Variants in OR5H1 observed in about 807,000 individuals in gnomAD.
OR5H1 encodes the protein olfactory receptor 5H1.
For synonymous variants in OR5H1, 124 were observed against 134.4 expected (o/e 0.92, Z 0.54); for missense variants, 378 against 366.8 (o/e 1.03, Z -0.25).
rs182761632 is a variant in OR5H1, at chr3:98,134,007, A to T, written c.*368A>T. 5.4e-6 allele frequency: 1 copy of T among 186,196 alleles called. No individual in the cohort carries two copies. The highest frequency in any genetic ancestry group is 5.5e-5 in the Admixed American group (1 of 18,140). The allele number at this position is 186,196 out of a possible 1,614,324, so 11.5% of individuals were successfully genotyped here. On this transcript the variant is annotated 3_prime_UTR_variant, in exon 2 of 2. Transcript: ENST00000641874. Reference sequence around the variant, plus strand: ...CTGAATTACCTGCGATATCCATCATATACCATAACTGAGGCAGATTTGTTT... The same window carrying T: ...CTGAATTACCTGCGATATCCATCATTTACCATAACTGAGGCAGATTTGTTT...
rs1708322391 is a variant in OR5H1, at chr3:98,136,725, TGAGG to T, written c.*3088_*3091del. On this transcript the variant is annotated 3_prime_UTR_variant, in exon 2 of 2. Coordinates refer to ENST00000641874, the MANE Select transcript of OR5H1 (RefSeq NM_001005338.2). ...CATGTTCTTACTGTCTTAGTTCCCATGAGGGCTGGTTGATAAAAGAGCCCAGCAC... is the reference window on the plus strand; with the variant it reads ...CATGTTCTTACTGTCTTAGTTCCCATGCTGGTTGATAAAAGAGCCCAGCAC... 6.6e-6 allele frequency: 1 copy of T among 152,182 alleles called. No individual in the cohort carries two copies. The highest frequency in any genetic ancestry group is 6.6e-5 in the Admixed American group (1 of 15,264). The allele number at this position is 152,182 out of a possible 1,614,324, so 9.4% of individuals were successfully genotyped here.
rs761374771 is a variant in OR5H1, at chr3:98,135,862, G to A, written c.*2223G>A. The A allele has an allele frequency of 6.6e-6, 1 of 152,216 alleles. No individual in the cohort carries two copies. The highest frequency in any genetic ancestry group is 1.5e-5 in the Non-Finnish European group (1 of 68,032). 9.4% of individuals were successfully genotyped at this position (152,216 alleles called of 1,614,324 possible). ...TAGTTGAGAAGACTTTTAGATTTAA[G>A]CTCAAAGCATCTTTAGATGATGAAA... On this transcript the variant is annotated 3_prime_UTR_variant, in exon 2 of 2. Coordinates refer to ENST00000641874, the MANE Select transcript of OR5H1 (RefSeq NM_001005338.2).
At position 98,130,768 on chromosome 3, in the gene OR5H1, G is replaced by T. The variant is rs1490296253; in HGVS notation, c.-101G>T. The T allele has an allele frequency of 6.6e-6, 1 of 152,138 alleles. No homozygotes were observed. Among genetic ancestry groups the T allele is most frequent in the Non-Finnish European group, 1.5e-5 (1 of 68,010 alleles). The allele number at this position is 152,138 out of a possible 1,614,324, so 9.4% of individuals were successfully genotyped here. On this transcript the variant is annotated 5_prime_UTR_variant, in exon 1 of 2. The change abolishes the stop of an existing upstream ORF in the 5' untranslated region. Transcript: ENST00000641874. ...GCCATGAATGGCTACCTGTATTATT[G>T]ACATTGCTGTGCTACTGTATGTATT... is the stretch of plus-strand genomic sequence containing the variant.
chr3:98,131,558 C>T (rs1708255240), intron 1 of OR5H1, among the ~76,000 whole-genome samples: 1 of 151,880 alleles, frequency 6.6e-6, no homozygotes, highest in Admixed American at 6.6e-5. Context: ...GAGATCACAC[C>T]TTGGCCATTT....
chr3:98,135,721 ATGCT>A lies in OR5H1; in HGVS notation c.*2083_*2086del, dbSNP rs1708310279. The A allele has an allele frequency of 6.6e-6, 1 of 152,358 alleles. No homozygotes were observed. Among genetic ancestry groups the A allele is most frequent in the African/African-American group, 2.4e-5 (1 of 41,588 alleles). The allele number at this position is 152,358 out of a possible 1,614,324, so 9.4% of individuals were successfully genotyped here. A position where few individuals can be genotyped will look rare whatever the true frequency, so the allele number is the denominator to read the frequency against. ...AAACATAGTACCAAGGGACTGGGGT[ATGCT>A]CCATAGCCAAAGTACGTATGAACAA... is the stretch of plus-strand genomic sequence containing the variant. On this transcript the variant is annotated 3_prime_UTR_variant, in exon 2 of 2. Transcript: ENST00000641874.
intron 1 of OR5H1, 133 bp downstream of exon 1, chr3:98,130,983 T>A (rs1342331455): frequency 6.6e-6 from 1 of 152,102 alleles, no homozygotes; most frequent in Non-Finnish European, 1.5e-5. Context: ...TGACTCTGAC[T>A]GGACTATTTT....
chr3:98,136,956 A>G lies in OR5H1; in HGVS notation c.*3317A>G, dbSNP rs975255043. The G allele has an allele frequency of 2.6e-5, 4 of 152,194 alleles. No homozygotes were observed. The highest frequency in any genetic ancestry group is 7.2e-5 in the African/African-American group (3 of 41,448). 9.4% of individuals were successfully genotyped at this position (152,194 alleles called of 1,614,324 possible). On this transcript the variant is annotated 3_prime_UTR_variant, in exon 2 of 2. Transcript: ENST00000641874. ...ATTACCCAGCCTCAAGAATTTCTTTATTGCAACACTAAATGGAATGAGGCA... is the reference window on the plus strand; with the variant it reads ...ATTACCCAGCCTCAAGAATTTCTTTGTTGCAACACTAAATGGAATGAGGCA...
In OR5H1 at chr3:98,137,110, A is replaced by G. The variant is rs1302204077; in HGVS notation, c.*3471A>G. On this transcript the variant is annotated 3_prime_UTR_variant, in exon 2 of 2. Coordinates refer to ENST00000641874, the MANE Select transcript of OR5H1 (RefSeq NM_001005338.2). Reference sequence around the variant, plus strand: ...GGTAATATAACCATAATTATGTTATATTGTAATAACAGATTCTGATTAAAA... The same window carrying G: ...GGTAATATAACCATAATTATGTTATGTTGTAATAACAGATTCTGATTAAAA... 6.6e-6 allele frequency: 1 copy of G among 152,200 alleles called. No individual in the cohort carries two copies. Among genetic ancestry groups the G allele is most frequent in the Non-Finnish European group, 1.5e-5 (1 of 68,042 alleles). The allele number at this position is 152,200 out of a possible 1,614,324, so 9.4% of individuals were successfully genotyped here. A position where few individuals can be genotyped will look rare whatever the true frequency, so the allele number is the denominator to read the frequency against.
chr3:98,133,362 T>C lies in OR5H1; in HGVS notation c.665T>C (p.Leu222Pro). The change falls in exon 2 of 2, where the codon CTC becomes CCC. Residue 222 changes from leucine (L) to proline (P), a missense_variant. Coordinates refer to ENST00000641874, the MANE Select transcript of OR5H1 (RefSeq NM_001005338.2). The stretch of plus-strand genomic sequence containing the variant: ...ATTCTTGTATCTTATACATTTGTTC[T>C]CTTCGCAATCTTAAAAAAGAAATCT... ...VTILVSYTFVLFAILKKKSDK... is the reference protein window; with the variant it reads ...VTILVSYTFVPFAILKKKSDK... 1 of 1,613,166 alleles carries C rather than the reference T, an allele frequency of 6.2e-7. No individual in the cohort carries two copies. The highest frequency in any genetic ancestry group is 1.1e-5 in the South Asian group (1 of 91,072).
chr3:98,133,338 T>C lies in OR5H1; in HGVS notation c.641T>C (p.Ile214Thr), dbSNP rs1485019768. 6.2e-7 allele frequency: 1 copy of C among 1,613,442 alleles called. No homozygotes were observed. The highest frequency in any genetic ancestry group is 8.5e-7 in the Non-Finnish European group (1 of 1,179,698). Residue 214 changes from isoleucine (I) to threonine (T), a missense_variant, in exon 2 of 2, where the codon ATT becomes ACT. Ile to Thr is a moderately conservative substitution (Grantham distance 89). Transcript: ENST00000641874. ...GSIQVFSIVT[I>T]LVSYTFVLFA... The stretch of plus-strand genomic sequence containing the variant: ...ATTCAGGTATTCAGCATTGTGACTA[T>C]TCTTGTATCTTATACATTTGTTCTC...
At position 98,133,653 on chromosome 3, in the gene OR5H1, A is replaced by G; in HGVS notation, c.*14A>G. ...GTTTCATACTAATATCCTTTCTCTAATTACAAAAATAGTCACAAAATTATG... is the reference window on the plus strand; with the variant it reads ...GTTTCATACTAATATCCTTTCTCTAGTTACAAAAATAGTCACAAAATTATG... On this transcript the variant is annotated 3_prime_UTR_variant, in exon 2 of 2. Coordinates refer to ENST00000641874, the MANE Select transcript of OR5H1 (RefSeq NM_001005338.2). 1 of 1,569,680 alleles carries G rather than the reference A, an allele frequency of 6.4e-7. No homozygotes were observed. Among genetic ancestry groups the G allele is most frequent in the African/African-American group, 1.4e-5 (1 of 73,228 alleles).
At chr3:98,131,670 T>C (rs188934742) in intron 1 of OR5H1, among the ~76,000 whole-genome samples, 91 of 152,166 alleles carry the variant, frequency 6.0e-4, no homozygotes, top group African/African-American at 2.0e-3. Flanking sequence ...GGATGCATCA[T>C]CTTTAACTAT....
Position 98,133,369 on chromosome 3 carries a change from A to T in OR5H1, c.672A>T (p.Ala224=), listed in dbSNP as rs753005130. Residue 224 remains alanine, a synonymous_variant, in exon 2 of 2, where the codon GCA becomes GCT. Coordinates refer to ENST00000641874, the MANE Select transcript of OR5H1 (RefSeq NM_001005338.2). The stretch of plus-strand genomic sequence containing the variant: ...TATCTTATACATTTGTTCTCTTCGC[A>T]ATCTTAAAAAAGAAATCTGATAAAG... ...ILVSYTFVLF[A]ILKKKSDKGV... The T allele has an allele frequency of 6.2e-7, 1 of 1,613,046 alleles. No homozygotes were observed. The highest frequency in any genetic ancestry group is 1.1e-5 in the South Asian group (1 of 91,062).
rs148534730 is a variant in OR5H1 at position 98,133,000 on chromosome 3, T to G, written c.303T>G (p.Phe101Leu). Residue 101 changes from phenylalanine to leucine, a missense_variant, in exon 2 of 2, where the codon TTT (phenylalanine) becomes TTG (leucine). Phe to Leu is a conservative substitution (Grantham distance 22). Transcript: ENST00000641874. ...CTCTCTCTGAATGCAAGATACAGTT[T>G]TTTTCGTTTGCAATCAGTGTAACCA... Reference protein sequence around the residue: ...MISLSECKIQFFSFAISVTTE... With the variant: ...MISLSECKIQLFSFAISVTTE... The G allele has an allele frequency of 3.4e-4, 552 of 1,613,538 alleles. 1 individual carries two copies. Among genetic ancestry groups the G allele is most frequent in the Admixed American group, 6.8e-4 (41 of 59,962 alleles).
At chr3:98,132,183 T>A (rs200130761) in intron 1 of OR5H1, among the ~76,000 whole-genome samples, 14 of 152,160 alleles carry the variant, frequency 9.2e-5, no homozygotes, top group African/African-American at 3.4e-4. Context: ...TTAATATCCC[T>A]GAGTACAGTT....
At position 98,136,335 on chromosome 3, in the gene OR5H1, G is replaced by A. The variant is rs574431473; in HGVS notation, c.*2696G>A. On this transcript the variant is annotated 3_prime_UTR_variant, in exon 2 of 2. Transcript: ENST00000641874. ...TTACGACCTTTACTAAATAATCTCC[G>A]ATTAGACTTTAAAGTTTCTTCAAGC... 1 of 152,134 alleles carries A rather than the reference G, an allele frequency of 6.6e-6. No individual in the cohort carries two copies. The highest frequency in any genetic ancestry group is 1.5e-5 in the Non-Finnish European group (1 of 67,998). 9.4% of individuals were successfully genotyped at this position (152,134 alleles called of 1,614,324 possible).
Position 98,136,994 on chromosome 3 carries a change from A to T in OR5H1, c.*3355A>T, listed in dbSNP as rs966209171. The T allele has an allele frequency of 2.0e-5, 3 of 152,212 alleles. No individual in the cohort carries two copies. The highest frequency in any genetic ancestry group is 7.2e-5 in the African/African-American group (3 of 41,462). The allele number at this position is 152,212 out of a possible 1,614,324, so 9.4% of individuals were successfully genotyped here. A position where few individuals can be genotyped will look rare whatever the true frequency, so the allele number is the denominator to read the frequency against. ...ATGGAATGAGGCAGGGCTTAATTGG[A>T]TGCATAAAGTCAATTCTTAGTTTCT... On this transcript the variant is annotated 3_prime_UTR_variant, in exon 2 of 2. Coordinates refer to ENST00000641874, the MANE Select transcript of OR5H1 (RefSeq NM_001005338.2).
rs751206050 is a variant in OR5H1, at chr3:98,133,628, G to C, written c.931G>C (p.Val311Leu). The C allele has an allele frequency of 6.3e-7, 1 of 1,599,046 alleles. No homozygotes were observed. The highest frequency in any genetic ancestry group is 2.2e-5 in the East Asian group (1 of 44,756). ...FTKMLKKHVKVSY is the reference protein window; with the variant it reads ...FTKMLKKHVKLSY The stretch of plus-strand genomic sequence containing the variant: ...AAAAATGTTAAAAAAACATGTTAAG[G>C]TTTCATACTAATATCCTTTCTCTAA... Residue 311 changes from valine (V) to leucine (L), a missense_variant, in exon 2 of 2, where the codon GTT (valine) becomes CTT (leucine). Coordinates refer to ENST00000641874, the MANE Select transcript of OR5H1 (RefSeq NM_001005338.2).
At position 98,133,762 on chromosome 3, in the gene OR5H1, T is replaced by G. The variant is rs1274883841; in HGVS notation, c.*123T>G. 1 of 736,434 alleles carries G rather than the reference T, an allele frequency of 1.4e-6. No individual in the cohort carries two copies. Among genetic ancestry groups the G allele is most frequent in the Non-Finnish European group, 2.2e-6 (1 of 445,596 alleles). 45.6% of individuals were successfully genotyped at this position (736,434 alleles called of 1,614,324 possible). A position where few individuals can be genotyped will look rare whatever the true frequency, so the allele number is the denominator to read the frequency against. On this transcript the variant is annotated 3_prime_UTR_variant, in exon 2 of 2. Coordinates refer to ENST00000641874, the MANE Select transcript of OR5H1 (RefSeq NM_001005338.2). ...TCTAGCACTTTAGTGAGCTAATGTT[T>G]TAGTACCTAATAAACTAATCGCAAT...
Sources: allele counts gnomAD v4.1 joint callset (sites outside exome capture counted in the v4.1 genomes callset), GRCh38; gene constraint gnomAD v4.1.1; transcripts MANE v1.5; gene names NCBI Gene and HGNC (gene_info 2026-07-23, HGNC 2026-07-21).